The following GPC6 variants were observed in gnomAD, a reference collection of about 807,000 sequenced individuals.
GPC6 encodes glypican 6.
GPC6 carries 14 observed loss-of-function variants against 55.2 expected under a neutral mutation model. The ratio of observed to expected loss-of-function variants is 0.25; its 90% CI spans 0.17 to 0.40. GPC6 has a LOEUF of 0.40. GPC6 is among the 10% of genes least tolerant of loss of function. GPC6 has a pLI of 1.00. For missense variants in GPC6, 641 were observed against 708.5 expected (o/e 0.90, Z 1.08); for synonymous variants, 278 against 259.6 (o/e 1.07, Z -0.68).
intron 6 of GPC6, among the ~76,000 whole-genome samples, chr13:94,356,300 G>A (rs537139803): frequency 2.6e-5 from 4 of 152,214 alleles, no homozygotes; most frequent in Admixed American, 6.5e-5. Flanking sequence ...TCCTTTGGGT[G>A]TATACCCAGT....
chr13:94,119,837 G>A (rs980472529), intron 4 of GPC6, among the ~76,000 whole-genome samples: 1 of 152,062 alleles, frequency 6.6e-6, no homozygotes, highest in Non-Finnish European at 1.5e-5. Flanking sequence ...TGTAGCATTT[G>A]TCAATTGCTA....
At chr13:93,758,656 A>G (rs965907615) in intron 2 of GPC6, among the ~76,000 whole-genome samples, 7 of 150,654 alleles carry the variant, frequency 4.6e-5, no homozygotes, top group African/African-American at 1.5e-4. Flanking sequence ...TTTCCTTCTT[A>G]AGAATGCCAA....
intron 1 of GPC6, among the ~76,000 whole-genome samples, chr13:93,352,322 A>C (rs191556009): frequency 1.4e-4 from 21 of 152,206 alleles, no homozygotes; most frequent in African/African-American, 3.6e-4. Context: ...ATTCTTTTTA[A>C]AATTGAGCAT....
chr13:93,664,517 A>T (rs547482688), intron 2 of GPC6, among the ~76,000 whole-genome samples: 50 of 152,336 alleles, frequency 3.3e-4, no homozygotes, highest in Non-Finnish European at 6.3e-4. Context: ...ATAGAAACAA[A>T]TAAGTGAAAC....
At position 93,506,876 on chromosome 13, in the gene GPC6, T is replaced by TAA. The variant is rs55983340; in HGVS notation, c.161-38378_161-38377dup. Among the ~76,000 whole-genome samples the TAA allele has an allele frequency of 2.9e-4, 39 of 135,324 alleles. 2 individuals carry two copies. Among genetic ancestry groups the TAA allele is most frequent in the Admixed American group, 6.0e-4 (8 of 13,396 alleles). The allele number at this position is 135,324 out of a possible 152,430, so 88.8% of individuals were successfully genotyped here. A position where few individuals can be genotyped will look rare whatever the true frequency, so the allele number is the denominator to read the frequency against. ...TAACACGGTGAAACCCTGTCTCTACTAAAAAAAAAAGAAAATACAAAAAAA... is the reference window on the plus strand; with the variant it reads ...TAACACGGTGAAACCCTGTCTCTACTAAAAAAAAAAAAGAAAATACAAAAAAA... On this transcript the variant is annotated intron_variant, in intron 1 of 8. Transcript: ENST00000377047.
Position 94,066,018 on chromosome 13 carries a change from T to G in GPC6, c.877+38124T>G, listed in dbSNP as rs192500129. ...CTTTTGAAGCATAGTTCCCTGTTAT[T>G]TCTTAACCTTTTTATTTGCTCTTAA... On this transcript the variant is annotated intron_variant, in intron 4 of 8. Coordinates refer to ENST00000377047, the MANE Select transcript of GPC6 (RefSeq NM_005708.5). Among the ~76,000 whole-genome samples, 334 of 152,320 alleles carry G rather than the reference T, an allele frequency of 2.2e-3. 3 individuals are homozygous for G. The highest frequency in any genetic ancestry group is 7.7e-3 in the African/African-American group (320 of 41,578).
intron 4 of GPC6, among the ~76,000 whole-genome samples, chr13:94,034,959 G>A (rs1439629026): frequency 2.7e-5 from 4 of 150,724 alleles, no homozygotes; most frequent in African/African-American, 9.7e-5. Context: ...GTTTACTAAA[G>A]TACGACTTAT....
chr13:94,288,785 TATA>T (rs1235546033), intron 5 of GPC6, among the ~76,000 whole-genome samples: 7 of 71,884 alleles, frequency 9.7e-5, no homozygotes, highest in Non-Finnish European at 2.4e-5. Context: ...TTGTTATATA[TATA>T]ATAAATATAT....
chr13:93,660,813 A>G (rs1034419805), intron 2 of GPC6, among the ~76,000 whole-genome samples: 1 of 152,208 alleles, frequency 6.6e-6, no homozygotes, highest in Non-Finnish European at 1.5e-5. Flanking sequence ...GATCTTTAGA[A>G]GGGACTTGAC....
At chr13:93,692,037 C>T (rs2138781849) in intron 2 of GPC6, among the ~76,000 whole-genome samples, 1 of 152,108 alleles carries the variant, frequency 6.6e-6, no homozygotes, top group East Asian at 1.9e-4. Context: ...GCTGAAATTA[C>T]ACTTTGGGGT....
chr13:94,079,305 A>T (rs1182615619), intron 4 of GPC6, among the ~76,000 whole-genome samples: 1 of 152,128 alleles, frequency 6.6e-6, no homozygotes, highest in East Asian at 1.9e-4. Context: ...GCTACATTAG[A>T]TAGAACTGCC....
chr13:93,765,308 T>TTCCAGATAAGCAGTCTGGAAAGACA, intron 2 of GPC6, among the ~76,000 whole-genome samples: 1 of 148,686 alleles, frequency 6.7e-6, no homozygotes, highest in African/African-American at 2.5e-5. Flanking sequence ...AAAGACAACT[T>TTCCAGATAAGCAGTCTGGAAAGACA]ATTTGGTTTA....
chr13:93,879,433 T>G (rs907504808), intron 3 of GPC6, among the ~76,000 whole-genome samples: 8 of 152,024 alleles, frequency 5.3e-5, no homozygotes, highest in Non-Finnish European at 1.0e-4. Flanking sequence ...ATCTGATCTT[T>G]GACAAACCTG....
intron 2 of GPC6, among the ~76,000 whole-genome samples, chr13:93,598,324 G>A (rs1220791366): frequency 6.6e-6 from 1 of 152,042 alleles, no homozygotes; most frequent in Non-Finnish European, 1.5e-5. Context: ...GAATACTTAG[G>A]ATGTGTCCTG....
chr13:94,288,748 TAATATATATAATA>T (rs1377707438), intron 5 of GPC6, among the ~76,000 whole-genome samples: 12 of 132,826 alleles, frequency 9.0e-5, no homozygotes, highest in African/African-American at 3.4e-4. Context: ...AATATATATA[TAATATATATAATA>T]AATATATATA....
chr13:94,024,532 G>A (rs1026379555), intron 3 of GPC6, among the ~76,000 whole-genome samples: 57 of 152,142 alleles, frequency 3.7e-4, no homozygotes, highest in African/African-American at 1.3e-3. Context: ...TGAAAGCTTC[G>A]ACTCTGATCC....
chr13:94,157,182 C>T (rs1887980456), intron 4 of GPC6, among the ~76,000 whole-genome samples: 1 of 152,130 alleles, frequency 6.6e-6, no homozygotes, highest in Non-Finnish European at 1.5e-5. Flanking sequence ...CCTGCCTGGG[C>T]CTTAGCATTC....
At chr13:93,907,712 A>C (rs1001742885) in intron 3 of GPC6, among the ~76,000 whole-genome samples, 1 of 152,182 alleles carries the variant, frequency 6.6e-6, no homozygotes. Context: ...CTGTGACTCT[A>C]TTTAGTAGTT....
rs1175550725 is a variant in GPC6, at chr13:93,676,122, AAAAAATATATATAT to A, written c.319+130703_319+130716del. Reference sequence around the variant, plus strand: ...TGTTTCTACTAAAAAAAAAAAAAAAAAAAAATATATATATATATATATATATATATATATATATA... The same window carrying A: ...TGTTTCTACTAAAAAAAAAAAAAAAAATATATATATATATATATATATATA... On this transcript the variant is annotated intron_variant, in intron 2 of 8. Coordinates refer to ENST00000377047, the MANE Select transcript of GPC6 (RefSeq NM_005708.5). Among the ~76,000 whole-genome samples the A allele has an allele frequency of 1.6e-3, 19 of 12,144 alleles. No individual in the cohort carries two copies. In the South Asian group the frequency reaches 0.044, roughly 28 times the overall value. 8.0% of individuals were successfully genotyped at this position (12,144 alleles called of 152,430 possible). A position where few individuals can be genotyped will look rare whatever the true frequency, so the allele number is the denominator to read the frequency against.
Sources: gnomAD v4.1 joint callset for allele counts (sites outside exome capture counted in the v4.1 genomes callset) on GRCh38, gnomAD v4.1.1 for gene constraint, MANE v1.5 for transcripts, NCBI Gene and HGNC (gene_info 2026-07-23, HGNC 2026-07-21) for gene names.